BBS9: variants seen among roughly 807,000 people sequenced by gnomAD.
BBS9 encodes the protein Bardet-Biedl syndrome 9, also known as protein PTHB1.
BBS9 carries 89 observed loss-of-function variants against 117.7 expected under a neutral mutation model. The observed-to-expected ratio is 0.76, with a 90% CI of 0.64 to 0.90. The LOEUF is 0.90. BBS9 is among the 40% of genes least tolerant of loss of function. The pLI, the probability that BBS9 is intolerant of heterozygous loss-of-function variation, is 0.00. For missense variants in BBS9, 982 were observed against 1,042.2 expected, an observed-to-expected ratio of 0.94 and a Z score of 0.80; for synonymous variants, 379 against 370.9, an observed-to-expected ratio of 1.02 and a Z score of -0.25.
chr7:33,607,502 A>T (rs1232051589), downstream of BBS9, among the ~76,000 whole-genome samples: 1 of 152,166 alleles, frequency 6.6e-6, no homozygotes, highest in Non-Finnish European at 1.5e-5. Context: ...TTAGAATAAG[A>T]AAAGAATAAC....
chr7:33,611,650 TTA>T (rs1287925962), intron 21 of BBS9, among the ~76,000 whole-genome samples: 1 of 106,868 alleles, frequency 9.4e-6, no homozygotes, highest in Non-Finnish European at 1.7e-5. Flanking sequence ...ATAAGGTATA[TTA>T]TATATTAAAT....
intron 21 of BBS9, among the ~76,000 whole-genome samples, chr7:33,571,425 C>T (rs1451518408): frequency 6.6e-6 from 1 of 152,020 alleles, no homozygotes; most frequent in East Asian, 1.9e-4. Flanking sequence ...ACATAAAATG[C>T]TCTTTCTGCC....
chr7:33,199,052 AT>A (rs1785397579), intron 5 of BBS9, among the ~76,000 whole-genome samples: 2 of 151,956 alleles, frequency 1.3e-5, no homozygotes, highest in Non-Finnish European at 2.9e-5. Flanking sequence ...CTATTCTTGA[AT>A]TGATCAACAC....
chr7:33,134,232 T>G (rs1790102018), intron 1 of BBS9, among the ~76,000 whole-genome samples: 2 of 149,148 alleles, frequency 1.3e-5, no homozygotes, highest in African/African-American at 2.5e-5. Flanking sequence ...TTTTTTTTTT[T>G]TTTTGTATTT....
intron 9 of BBS9, among the ~76,000 whole-genome samples, chr7:33,296,332 A>T (rs1000747657): frequency 3.1e-4 from 47 of 152,154 alleles, no homozygotes; most frequent in African/African-American, 1.1e-3. Flanking sequence ...TTAGAATTTA[A>T]TTTATGACAT....
intron 21 of BBS9, among the ~76,000 whole-genome samples, chr7:33,566,991 G>C (rs1443156756): frequency 6.6e-6 from 1 of 152,168 alleles, no homozygotes; most frequent in Non-Finnish European, 1.5e-5. Flanking sequence ...TAGTTCAGTG[G>C]GGTAATGAGA....
chr7:33,411,946 G>A (rs1032721606), intron 19 of BBS9, among the ~76,000 whole-genome samples: 5 of 152,002 alleles, frequency 3.3e-5, no homozygotes, highest in Non-Finnish European at 7.4e-5. Context: ...ACTCCTTATG[G>A]TAGTCATTTA....
chr7:33,250,842 C>T (rs919209121), intron 5 of BBS9, among the ~76,000 whole-genome samples: 2 of 152,082 alleles, frequency 1.3e-5, no homozygotes, highest in African/African-American at 4.8e-5. Flanking sequence ...TTTATAGTTG[C>T]TGGATTTACA....
At chr7:33,488,489 C>G (rs1235642496) in intron 19 of BBS9, among the ~76,000 whole-genome samples, 1 of 152,118 alleles carries the variant, frequency 6.6e-6, no homozygotes, top group Non-Finnish European at 1.5e-5. Flanking sequence ...AGCCCTGGTT[C>G]CAGTACTAAC....
intron 19 of BBS9, among the ~76,000 whole-genome samples, chr7:33,400,874 G>T (rs1427069708): frequency 2.0e-5 from 3 of 152,120 alleles, no homozygotes; most frequent in African/African-American, 7.2e-5. Flanking sequence ...TAGGAAAAGT[G>T]ATTTAATGTA....
chr7:33,470,725 TAGA>T (rs374354574), intron 19 of BBS9, among the ~76,000 whole-genome samples: 1 of 152,288 alleles, frequency 6.6e-6, no homozygotes, highest in African/African-American at 2.4e-5. Context: ...AAGTCCACTG[TAGA>T]AGAACAATCA....
At chr7:33,365,318 T>C (rs929746543) in intron 16 of BBS9, among the ~76,000 whole-genome samples, 1 of 152,148 alleles carries the variant, frequency 6.6e-6, no homozygotes, top group African/African-American at 2.4e-5. Context: ...CTGATTTTGG[T>C]ACGAAAGACC....
intron 21 of BBS9, among the ~76,000 whole-genome samples, chr7:33,569,009 G>A (rs1253323877): frequency 1.3e-5 from 2 of 152,112 alleles, no homozygotes; most frequent in African/African-American, 4.8e-5. Context: ...AAACATAGTA[G>A]TGTTTTGCAT....
At chr7:33,270,217 C>A (rs1799565473) in intron 7 of BBS9, among the ~76,000 whole-genome samples, 1 of 152,054 alleles carries the variant, frequency 6.6e-6, no homozygotes, top group Non-Finnish European at 1.5e-5. Context: ...TGACTATACT[C>A]AATTTACACC....
At chr7:33,465,040 G>C (rs182987497) in intron 19 of BBS9, among the ~76,000 whole-genome samples, 1 of 151,724 alleles carries the variant, frequency 6.6e-6, no homozygotes, top group Non-Finnish European at 1.5e-5. Context: ...CTGATGGTAC[G>C]TCAGTTAATC....
chr7:33,526,004 A>G (rs1320940058), intron 20 of BBS9, among the ~76,000 whole-genome samples: 2 of 151,608 alleles, frequency 1.3e-5, no homozygotes, highest in African/African-American at 4.9e-5. Context: ...TCCTTCACTT[A>G]TGAAGCTTAG....
Position 33,352,850 on chromosome 7 carries a change from G to T in BBS9, c.1538-9G>T, listed in dbSNP as rs770317221. 79 of 1,612,596 alleles carry T rather than the reference G, an allele frequency of 4.9e-5. No individual in the cohort carries two copies. Among genetic ancestry groups the T allele is most frequent in the Middle Eastern group, 3.3e-4 (2 of 6,080 alleles). On this transcript the variant is annotated splice_polypyrimidine_tract_variant and intron_variant, in intron 14 of 22. Coordinates refer to ENST00000242067, the MANE Select transcript of BBS9 (RefSeq NM_198428.3). ...CCCTACCCATTTTTGCATTGCCTGT[G>T]ATGGACAGATCGAAATCCTGATGGT...
chr7:33,441,222 A>G (rs958958379), intron 19 of BBS9, among the ~76,000 whole-genome samples: 1 of 152,006 alleles, frequency 6.6e-6, no homozygotes, highest in Non-Finnish European at 1.5e-5. Flanking sequence ...CAATCCAGGA[A>G]TGCTCCCTAT....
At chr7:33,359,097 A>AT (rs1820154207) in intron 16 of BBS9, among the ~76,000 whole-genome samples, 1 of 151,502 alleles carries the variant, frequency 6.6e-6, no homozygotes, top group Non-Finnish European at 1.5e-5. Flanking sequence ...TTACCTCCTT[A>AT]TTTTTTAGTC....
Sources: gnomAD v4.1 joint callset for allele counts (sites outside exome capture counted in the v4.1 genomes callset) on GRCh38, gnomAD v4.1.1 for gene constraint, MANE v1.5 for transcripts, NCBI Gene and HGNC (gene_info 2026-07-23, HGNC 2026-07-21) for gene names.